BNC2: variants seen among roughly 807,000 people sequenced by gnomAD.
The protein encoded by BNC2 is basonuclin zinc finger protein 2.
A neutral mutation model predicts 76.3 loss-of-function variants in BNC2; 20 were observed. The observed-to-expected ratio is 0.26, with a 90% CI of 0.18 to 0.38. The LOEUF is 0.38. Ranked by LOEUF, BNC2 falls within the 10% of genes least tolerant of loss-of-function variation. The pLI is 1.00. For synonymous variants in BNC2, 582 were observed against 514.8 expected (o/e 1.13, Z -1.77); for missense variants, 1,382 against 1,399.8 (o/e 0.99, Z 0.20).
intron 1 of BNC2, among the ~76,000 whole-genome samples, chr9:16,797,874 G>C (rs1817695937): frequency 6.6e-6 from 1 of 152,106 alleles, no homozygotes; most frequent in African/African-American, 2.4e-5. Flanking sequence ...ACCAAGAGAA[G>C]ACTGCCTTCA....
At chr9:16,484,591 C>T (rs369484842) in intron 5 of BNC2, among the ~76,000 whole-genome samples, 4 of 152,248 alleles carry the variant, frequency 2.6e-5, no homozygotes, top group East Asian at 1.9e-4. Context: ...AATAATCATG[C>T]GTTAAAAACA....
chr9:16,817,355 A>G (rs1818210796), intron 1 of BNC2, among the ~76,000 whole-genome samples: 1 of 152,142 alleles, frequency 6.6e-6, no homozygotes, highest in Non-Finnish European at 1.5e-5. Flanking sequence ...GTAAAATCTA[A>G]AGGTGATAAT....
intron 3 of BNC2, among the ~76,000 whole-genome samples, chr9:16,606,118 T>G (rs1339688358): frequency 6.6e-6 from 1 of 152,232 alleles, no homozygotes; most frequent in African/African-American, 2.4e-5. Flanking sequence ...ATTTCAATTA[T>G]GAGCAACATT....
intron 3 of BNC2, among the ~76,000 whole-genome samples, chr9:16,635,459 T>A (rs1821295731): frequency 6.6e-6 from 1 of 152,228 alleles, no homozygotes. Flanking sequence ...TATAATACTT[T>A]TGAATACCTT....
At chr9:16,503,316 G>A (rs1358870845) in intron 5 of BNC2, among the ~76,000 whole-genome samples, 1 of 152,034 alleles carries the variant, frequency 6.6e-6, no homozygotes, top group Non-Finnish European at 1.5e-5. Context: ...CATTCTTCCT[G>A]GGCCAAGCTC....
intron 5 of BNC2, among the ~76,000 whole-genome samples, chr9:16,514,696 A>C (rs1400136494): frequency 2.0e-5 from 3 of 152,206 alleles, no homozygotes; most frequent in Non-Finnish European, 4.4e-5. Context: ...TGTAATAATA[A>C]CATTTTTCTT....
chr9:16,620,147 C>T (rs924215144), intron 3 of BNC2, among the ~76,000 whole-genome samples: 8 of 152,226 alleles, frequency 5.3e-5, no homozygotes, highest in East Asian at 3.9e-4. Context: ...TGAAGCTTGA[C>T]GCCATTGATA....
intron 1 of BNC2, among the ~76,000 whole-genome samples, chr9:16,861,253 C>T (rs1359384972): frequency 1.3e-5 from 2 of 149,708 alleles, no homozygotes; most frequent in East Asian, 4.0e-4. Context: ...ACTACGGAGG[C>T]TGAAGCAGGA....
intron 3 of BNC2, among the ~76,000 whole-genome samples, chr9:16,714,354 G>A (rs898088062): frequency 6.6e-6 from 1 of 152,160 alleles, no homozygotes; most frequent in African/African-American, 2.4e-5. Context: ...TTACTTCAGT[G>A]CTTCCCTCCC....
chr9:16,644,338 G>A (rs1039098229), intron 3 of BNC2, among the ~76,000 whole-genome samples: 4 of 152,112 alleles, frequency 2.6e-5, no homozygotes, highest in South Asian at 2.1e-4. Flanking sequence ...TAGGTTCCAA[G>A]CACCTTAAAT....
chr9:16,746,626 A>G (rs1269995390), intron 1 of BNC2, among the ~76,000 whole-genome samples: 2 of 150,938 alleles, frequency 1.3e-5, no homozygotes, highest in African/African-American at 4.9e-5. Context: ...CAGCCTCCCA[A>G]AGTGCTGGGA....
At chr9:16,786,822 A>G (rs1826307571) in intron 1 of BNC2, among the ~76,000 whole-genome samples, 1 of 152,132 alleles carries the variant, frequency 6.6e-6, no homozygotes, top group Non-Finnish European at 1.5e-5. Context: ...GATCTGCGGC[A>G]CAATAACTCC....
intron 3 of BNC2, among the ~76,000 whole-genome samples, chr9:16,591,262 G>A (rs1018755229): frequency 6.6e-6 from 1 of 152,080 alleles, no homozygotes; most frequent in African/African-American, 2.4e-5. Flanking sequence ...TGAACTACAA[G>A]ACTACATATC....
chr9:16,568,553 C>T (rs1819229600), intron 4 of BNC2, among the ~76,000 whole-genome samples: 2 of 152,024 alleles, frequency 1.3e-5, no homozygotes, highest in South Asian at 2.1e-4. Context: ...TGGGATTTTG[C>T]GTATTTAGAA....
intron 1 of BNC2, among the ~76,000 whole-genome samples, chr9:16,770,452 A>C (rs1467837175): frequency 6.6e-6 from 1 of 152,228 alleles, no homozygotes; most frequent in Admixed American, 6.5e-5. Flanking sequence ...TCTTTGGCTT[A>C]AGAACTCAAT....
At chr9:16,518,820 C>T (rs902839819) in intron 5 of BNC2, among the ~76,000 whole-genome samples, 1 of 152,084 alleles carries the variant, frequency 6.6e-6, no homozygotes, top group Non-Finnish European at 1.5e-5. Context: ...AGGCTGGTCC[C>T]GATCTCCTGA....
chr9:16,705,133 T>A (rs931349954), intron 3 of BNC2: 3 of 150,820 alleles, frequency 2.0e-5, no homozygotes, highest in Admixed American at 1.3e-4. Flanking sequence ...AGTCTCTAAG[T>A]CACCCCCACC....
intron 2 of BNC2, among the ~76,000 whole-genome samples, chr9:16,733,229 GAAGT>G (rs1824564953): frequency 6.6e-6 from 1 of 152,250 alleles, no homozygotes; most frequent in Non-Finnish European, 1.5e-5. Flanking sequence ...AGTGAAAAAA[GAAGT>G]AATAAAGGAA....
intron 1 of BNC2, among the ~76,000 whole-genome samples, chr9:16,788,322 G>T (rs926655468): frequency 2.0e-5 from 3 of 151,822 alleles, no homozygotes; most frequent in African/African-American, 7.2e-5. Flanking sequence ...GGGAGGCCAA[G>T]GTGGGCAGAT....
Sources: gnomAD v4.1 joint callset for allele counts (sites outside exome capture counted in the v4.1 genomes callset) on GRCh38, gnomAD v4.1.1 for gene constraint, MANE v1.5 for transcripts, NCBI Gene and HGNC (gene_info 2026-07-23, HGNC 2026-07-21) for gene names.